Variants in PPARGC1A observed in about 807,000 individuals in gnomAD.
PPARGC1A encodes peroxisome proliferator-activated receptor gamma coactivator 1-alpha.
A neutral mutation model predicts 88.7 loss-of-function variants in PPARGC1A; 25 were observed. The observed-to-expected ratio is 0.28, with a 90% CI of 0.21 to 0.39. The LOEUF (loss-of-function observed/expected upper bound fraction) is 0.39. PPARGC1A is among the 10% of genes least tolerant of loss of function. The pLI, the probability that PPARGC1A is intolerant of heterozygous loss-of-function variation, is 1.00. For missense variants in PPARGC1A, 880 were observed against 968.7 expected, an observed-to-expected ratio of 0.91 and a Z score of 1.22; for synonymous variants, 363 against 355.6, an observed-to-expected ratio of 1.02 and a Z score of -0.24.
the PPARGC1A span, among the ~76,000 whole-genome samples, chr4:24,175,352 GTTT>G: frequency 8.4e-6 from 1 of 118,568 alleles, no homozygotes; most frequent in African/African-American, 3.1e-5. Flanking sequence ...GCGGGTTTTT[GTTT>G]TTTTTTTTCT....
the PPARGC1A span, among the ~76,000 whole-genome samples, chr4:24,402,884 C>G: frequency 3.9e-5 from 6 of 152,244 alleles, no homozygotes; most frequent in Admixed American, 3.9e-4. Flanking sequence ...TGGGCAGGAA[C>G]AGCATCTGTC....
At chr4:24,405,140 A>G in the PPARGC1A span, among the ~76,000 whole-genome samples, 17 of 152,340 alleles carry the variant, frequency 1.1e-4, no homozygotes, top group African/African-American at 3.8e-4. Flanking sequence ...TAAAATAAAA[A>G]TAAAATAGTC....
chr4:23,910,290 T>TATATATATTA, the PPARGC1A span, among the ~76,000 whole-genome samples: 1 of 72,130 alleles, frequency 1.4e-5, no homozygotes, highest in South Asian at 3.1e-4. Context: ...TATATATTAT[T>TATATATATTA]ATATATATTA....
At chr4:23,894,557 T>C (rs1311957198), upstream of PPARGC1A, among the ~76,000 whole-genome samples, 1 of 152,146 alleles carries the variant, frequency 6.6e-6, no homozygotes, top group African/African-American at 2.4e-5. Flanking sequence ...CTAGCATTTA[T>C]TTTTATTTTT....
At chr4:24,017,381 A>C in the PPARGC1A span, among the ~76,000 whole-genome samples, 7 of 152,184 alleles carry the variant, frequency 4.6e-5, no homozygotes, top group Admixed American at 3.9e-4. Context: ...GCTCTGAAGA[A>C]ATGAATGATG....
At chr4:24,135,665 G>A in the PPARGC1A span, among the ~76,000 whole-genome samples, 10 of 152,086 alleles carry the variant, frequency 6.6e-5, no homozygotes, top group Admixed American at 2.6e-4. Context: ...CCTGAAAGAC[G>A]CTCCTGAGCA....
At chr4:23,797,676 C>A (rs1338477923) in intron 12 of PPARGC1A, among the ~76,000 whole-genome samples, 1 of 151,800 alleles carries the variant, frequency 6.6e-6, no homozygotes, top group Non-Finnish European at 1.5e-5. Context: ...ACATATATAC[C>A]CACTTATACA....
At chr4:24,273,367 A>G in the PPARGC1A span, among the ~76,000 whole-genome samples, 1 of 152,222 alleles carries the variant, frequency 6.6e-6, no homozygotes, top group Admixed American at 6.5e-5. Context: ...AAACATGTCA[A>G]GACTTGTGAA....
chr4:24,426,431 C>T, the PPARGC1A span, among the ~76,000 whole-genome samples: 1 of 152,172 alleles, frequency 6.6e-6, no homozygotes, highest in African/African-American at 2.4e-5. Flanking sequence ...CAGCGATATA[C>T]CAGCTTCTTC....
the PPARGC1A span, among the ~76,000 whole-genome samples, chr4:23,969,754 T>C: frequency 2.0e-5 from 3 of 152,180 alleles, no homozygotes; most frequent in African/African-American, 7.2e-5. Flanking sequence ...TTTCTGCCAC[T>C]GGGTCACTCA....
At chr4:24,091,735 C>T in the PPARGC1A span, 3 of 700,440 alleles carry the variant, frequency 4.3e-6, no homozygotes, top group African/African-American at 5.9e-5. Context: ...AGACAGATGC[C>T]AACTGGCCAA....
the PPARGC1A span, among the ~76,000 whole-genome samples, chr4:24,194,365 T>G: frequency 2.6e-5 from 4 of 152,178 alleles, no homozygotes; most frequent in African/African-American, 9.7e-5. Flanking sequence ...GGTGTTTACC[T>G]TGATACTTTA....
chr4:23,921,787 A>C, the PPARGC1A span, among the ~76,000 whole-genome samples: 7 of 152,214 alleles, frequency 4.6e-5, no homozygotes, highest in Admixed American at 4.6e-4. Flanking sequence ...ATGAAGGCTC[A>C]ATCCTAAAAG....
chr4:24,231,887 GA>G, the PPARGC1A span, among the ~76,000 whole-genome samples: 3 of 152,094 alleles, frequency 2.0e-5, no homozygotes, highest in East Asian at 1.9e-4. Context: ...TTTTCCAGGG[GA>G]AAAAAGTAAC....
the PPARGC1A span, among the ~76,000 whole-genome samples, chr4:24,259,606 G>A: frequency 6.6e-6 from 1 of 152,132 alleles, no homozygotes; most frequent in African/African-American, 2.4e-5. Context: ...ATTGCCTAAA[G>A]TATTTAGTAC....
At chr4:24,154,208 CTT>C in the PPARGC1A span, among the ~76,000 whole-genome samples, 5 of 152,224 alleles carry the variant, frequency 3.3e-5, no homozygotes, top group Non-Finnish European at 7.3e-5. Context: ...ACAACTGCAT[CTT>C]ACGCTCATAA....
chr4:24,022,708 G>A, the PPARGC1A span, among the ~76,000 whole-genome samples: 4 of 152,168 alleles, frequency 2.6e-5, no homozygotes, highest in South Asian at 4.1e-4. Context: ...CCAGAGTCCC[G>A]GGCAATAAGG....
the PPARGC1A span, among the ~76,000 whole-genome samples, chr4:24,134,879 TTTG>T: frequency 6.6e-6 from 1 of 152,282 alleles, no homozygotes; most frequent in South Asian, 2.1e-4. Context: ...GCACAGGAAA[TTTG>T]TTGTCAAAAG....
At chr4:24,425,613 A>C in the PPARGC1A span, among the ~76,000 whole-genome samples, 9 of 152,372 alleles carry the variant, frequency 5.9e-5, no homozygotes, top group South Asian at 2.1e-4. Flanking sequence ...AAATAGCTAC[A>C]TAGCATGCAT....
Sources: gnomAD v4.1 joint callset for allele counts (sites outside exome capture counted in the v4.1 genomes callset) on GRCh38, gnomAD v4.1.1 for gene constraint, MANE v1.5 for transcripts, NCBI Gene and HGNC (gene_info 2026-07-23, HGNC 2026-07-21) for gene names.